LEKR1: variants seen among roughly 807,000 people sequenced by gnomAD.
The protein encoded by LEKR1 is protein LEKR1.
LEKR1 carries 59 observed loss-of-function variants against 72.4 expected under a neutral mutation model. The observed-to-expected ratio is 0.82, with a 90% CI of 0.66 to 1.01. The LOEUF is 1.01. LEKR1 is among the 50% of genes least tolerant of loss of function. The probability of loss-of-function intolerance (pLI) is 0.00; values close to 1 mark genes in which losing one functional copy is unlikely to be tolerated. For missense variants in LEKR1, 728 were observed against 759.2 expected (o/e 0.96, Z 0.48); for synonymous variants, 257 against 263.2 (o/e 0.98, Z 0.23).
At position 157,045,667 on chromosome 3, in the gene LEKR1, C is replaced by A; in HGVS notation, c.1996C>A (p.Pro666Thr). ...CGTGCCCATTCTCCCCCAGCCACAT[C>A]CTCCCAGGGGTGGAGCATCTTCAGC... ...SGVPILPQPH[P>T]PRGGASSANE... is the part of the protein sequence containing the mutation. The change falls in exon 13 of 13, where the codon CCT (proline) becomes ACT (threonine). Residue 666 changes from proline (P) to threonine (T), a missense_variant. Physicochemically the swap from Pro to Thr is conservative, Grantham distance 38 (BLOSUM62 -1). Transcript: ENST00000356539. 6.2e-7 allele frequency: 1 copy of A among 1,614,030 alleles called. No individual in the cohort carries two copies. The highest frequency in any genetic ancestry group is 2.2e-5 in the East Asian group (1 of 44,878).
chr3:156,971,999 T>C (rs113877509), intron 6 of LEKR1, among the ~76,000 whole-genome samples: 132,511 of 152,196 alleles, frequency 0.87, 58,029 homozygotes, highest in African/African-American at 0.97. Context: ...GGGTACATAC[T>C]GAAAGGATTA....
At chr3:157,015,176 A>T (rs73873771) in intron 10 of LEKR1, among the ~76,000 whole-genome samples, 8,906 of 152,148 alleles carry the variant, frequency 0.059, 340 homozygotes, top group African/African-American at 0.1. Context: ...AACTTGTCAG[A>T]TTCTTTGAGT....
intron 2 of LEKR1, among the ~76,000 whole-genome samples, chr3:156,845,402 C>A (rs1045072846): frequency 2.0e-5 from 3 of 151,756 alleles, no homozygotes; most frequent in Non-Finnish European, 4.4e-5. Context: ...AATATGAGGT[C>A]TTTTCCAGTT....
intron 3 of LEKR1, among the ~76,000 whole-genome samples, chr3:156,893,691 CA>C (rs1720895692): frequency 6.6e-6 from 1 of 152,100 alleles, no homozygotes; most frequent in African/African-American, 2.4e-5. Context: ...ATGCCCTTAC[CA>C]GAAGTAGATG....
intron 10 of LEKR1, chr3:157,017,352 G>A (rs1475781288): frequency 6.6e-6 from 1 of 152,198 alleles, no homozygotes; most frequent in Non-Finnish European, 1.5e-5. Context: ...GGATGTGAGG[G>A]AGACCTGGCT....
At chr3:156,873,935 T>A (rs1280612334) in intron 3 of LEKR1, among the ~76,000 whole-genome samples, 5 of 152,112 alleles carry the variant, frequency 3.3e-5, no homozygotes, top group Non-Finnish European at 7.4e-5. Context: ...AATATTCTCT[T>A]AGTCTTTGAC....
chr3:156,883,513 T>C (rs1008472652), intron 3 of LEKR1, among the ~76,000 whole-genome samples: 12 of 152,206 alleles, frequency 7.9e-5, no homozygotes, highest in African/African-American at 2.2e-4. Context: ...TTTGTCTGTG[T>C]CCTCACCCAA....
intron 3 of LEKR1, among the ~76,000 whole-genome samples, chr3:156,865,776 C>T (rs141812996): frequency 7.9e-5 from 12 of 152,110 alleles, no homozygotes; most frequent in Non-Finnish European, 1.6e-4. Context: ...GGTTATCCCT[C>T]GAGCCTCACT....
intron 2 of LEKR1, among the ~76,000 whole-genome samples, chr3:156,831,715 G>A (rs1712431018): frequency 1.3e-5 from 2 of 152,144 alleles, no homozygotes; most frequent in South Asian, 4.1e-4. Flanking sequence ...ATCATGAGAA[G>A]AGCATGATAA....
At chr3:157,022,684 T>G (rs906058207) in intron 10 of LEKR1, among the ~76,000 whole-genome samples, 1 of 152,140 alleles carries the variant, frequency 6.6e-6, no homozygotes, top group African/African-American at 2.4e-5. Flanking sequence ...CACCTGTGAA[T>G]TATCTAAATG....
Position 156,920,633 on chromosome 3 carries a change from AAAC to A in LEKR1, c.326_328del (p.Gln109del). The A allele has an allele frequency of 6.8e-7, 1 of 1,460,088 alleles. No homozygotes were observed. The highest frequency in any genetic ancestry group is 9.2e-7 in the Non-Finnish European group (1 of 1,082,608). 90.4% of individuals were successfully genotyped at this position (1,460,088 alleles called of 1,614,324 possible). A position where few individuals can be genotyped will look rare whatever the true frequency, so the allele number is the denominator to read the frequency against. On this transcript the variant is annotated inframe_deletion, in exon 4 of 13. Coordinates refer to ENST00000356539, the MANE Select transcript of LEKR1 (RefSeq NM_001004316.3). ...ACAAAATGAATTTCAGAAAGTAAAG[AAAC>A]AACTGAGTCATTTGCAAGATGAGCT...
chr3:156,918,494 C>A (rs1355356426), intron 3 of LEKR1, among the ~76,000 whole-genome samples: 1 of 151,978 alleles, frequency 6.6e-6, no homozygotes, highest in African/African-American at 2.4e-5. Flanking sequence ...CCATCATGGA[C>A]TATGAGAATA....
chr3:156,853,078 C>T (rs1337873359), intron 3 of LEKR1, 96 bp downstream of exon 3: 5 of 723,050 alleles, frequency 6.9e-6, no homozygotes, highest in Non-Finnish European at 1.1e-5. Context: ...TTCTCTACAT[C>T]AGGTATAGTT....
At chr3:156,938,667 C>T (rs1725935855) in intron 5 of LEKR1, among the ~76,000 whole-genome samples, 1 of 152,184 alleles carries the variant, frequency 6.6e-6, no homozygotes, top group East Asian at 1.9e-4. Flanking sequence ...AGCCACCGCA[C>T]CCAGCCATTT....
chr3:156,884,269 T>G (rs1719820761), intron 3 of LEKR1, among the ~76,000 whole-genome samples: 1 of 152,198 alleles, frequency 6.6e-6, no homozygotes, highest in Non-Finnish European at 1.5e-5. Flanking sequence ...TCCATTTACA[T>G]TCAACATTAG....
chr3:157,024,968 T>G lies in LEKR1; in HGVS notation c.1368+44T>G. On this transcript the variant is annotated intron_variant, in intron 11 of 12. Transcript: ENST00000356539. ...CATCATTATTTAATAGATTTGAAAC[T>G]GCAGATGTTGTATATTTCGCCTTAG... 4 of 1,347,170 alleles carry G rather than the reference T, an allele frequency of 3.0e-6. No individual in the cohort carries two copies. In the South Asian group the frequency reaches 5.1e-5, roughly 17 times the overall value. 83.5% of individuals were successfully genotyped at this position (1,347,170 alleles called of 1,614,324 possible).
At chr3:156,897,658 T>C (rs537036543) in intron 3 of LEKR1, among the ~76,000 whole-genome samples, 5 of 152,234 alleles carry the variant, frequency 3.3e-5, no homozygotes, top group African/African-American at 9.6e-5. Context: ...ACATGAAAGA[T>C]TGTAGAAACC....
intron 1 of LEKR1, 81 bp from the exon 2 acceptor site, chr3:156,829,204 AC>A: frequency 1.7e-6 from 1 of 598,594 alleles, no homozygotes; most frequent in Non-Finnish European, 3.0e-6. Flanking sequence ...ATCCCCAAAT[AC>A]TTCTAGGAGT....
chr3:157,028,098 T>C lies in LEKR1; in HGVS notation c.1369-5T>C. On this transcript the variant is annotated splice_polypyrimidine_tract_variant and splice_region_variant and intron_variant, in intron 11 of 12. Coordinates refer to ENST00000356539, the MANE Select transcript of LEKR1 (RefSeq NM_001004316.3). ...CTACAAGCTAATATGAGATTTATCT[T>C]ACAGATATCTGACTTAATCACAGGC... The C allele has an allele frequency of 6.5e-7, 1 of 1,545,480 alleles. No individual in the cohort carries two copies. Among genetic ancestry groups the C allele is most frequent in the Non-Finnish European group, 8.7e-7 (1 of 1,146,338 alleles).
Sources: allele counts gnomAD v4.1 joint callset (sites outside exome capture counted in the v4.1 genomes callset), GRCh38; gene constraint gnomAD v4.1.1; transcripts MANE v1.5; gene names NCBI Gene and HGNC (gene_info 2026-07-23, HGNC 2026-07-21).